ACYP2: variants seen among roughly 807,000 people sequenced by gnomAD.
ACYP2 encodes acylphosphatase-2.
In ACYP2, 12 loss-of-function variants were observed where a neutral mutation model predicts 11.2. That is an observed-to-expected ratio of 1.08 (90% CI 0.69 to 1.74). The LOEUF is 1.74. Ranked by LOEUF, ACYP2 falls within the 40% of genes most tolerant of loss-of-function variation. ACYP2 has a pLI of 0.00. For synonymous variants in ACYP2, 43 were observed against 32.2 expected, an observed-to-expected ratio of 1.33 and a Z score of -1.13; for missense variants, 134 against 101.9, an observed-to-expected ratio of 1.31 and a Z score of -1.35.
intron 2 of ACYP2, among the ~76,000 whole-genome samples, chr2:54,007,277 C>T (rs1322626760): frequency 2.7e-4 from 35 of 128,410 alleles, no homozygotes; most frequent in African/African-American, 9.1e-4. Context: ...TTTTTTGAGA[C>T]GGAGTCTCGC....
At chr2:53,977,549 A>G (rs1180742303) in intron 2 of ACYP2, among the ~76,000 whole-genome samples, 4 of 151,770 alleles carry the variant, frequency 2.6e-5, no homozygotes, top group African/African-American at 9.7e-5. Flanking sequence ...CCTGACCAAC[A>G]TGGTGAAACC....
rs1558622084 is a variant in ACYP2 at position 54,219,821 on chromosome 2, G to GTGTGTATATATATA, written c.404+81078_404+81079insATATATATATGTGT. Among the ~76,000 whole-genome samples the GTGTGTATATATATA allele has an allele frequency of 2.1e-3, 306 of 142,538 alleles. 2 individuals are homozygous for GTGTGTATATATATA. Among genetic ancestry groups the GTGTGTATATATATA allele is most frequent in the African/African-American group, 6.3e-3 (235 of 37,484 alleles). The allele number at this position is 142,538 out of a possible 152,430, so 93.5% of individuals were successfully genotyped here. On this transcript the variant is annotated intron_variant, in intron 6 of 6. Coordinates refer to ENST00000607452, the MANE Select transcript of ACYP2 (RefSeq NM_001320586.2). ...TGTGTGTGTGTGTGTTTGTGTATGT[G>GTGTGTATATATATA]TGTGTGTATATATATGTGTATGTGT...
At chr2:54,145,888 G>C (rs1310792697) in intron 6 of ACYP2, among the ~76,000 whole-genome samples, 1 of 152,178 alleles carries the variant, frequency 6.6e-6, no homozygotes. Context: ...CTGGAGGCCT[G>C]TCTTCCAGTC....
intron 2 of ACYP2, among the ~76,000 whole-genome samples, chr2:53,999,181 C>T (rs1033089625): frequency 2.6e-5 from 4 of 152,130 alleles, no homozygotes; most frequent in Admixed American, 2.6e-4. Flanking sequence ...TTTTAATAGC[C>T]CCAAAACTTG....
At chr2:54,219,899 A>AT (rs1685723874) in intron 6 of ACYP2, among the ~76,000 whole-genome samples, 1 of 112,144 alleles carries the variant, frequency 8.9e-6, no homozygotes, top group African/African-American at 3.5e-5. Context: ...ATATATATAT[A>AT]TATATATTTT....
intron 4 of ACYP2, among the ~76,000 whole-genome samples, chr2:54,092,829 G>C: frequency 6.6e-6 from 1 of 152,202 alleles, no homozygotes; most frequent in African/African-American, 2.4e-5. Flanking sequence ...TTAGGACCAT[G>C]ATGTTCATTC....
chr2:54,126,369 C>T (rs1005778683), intron 4 of ACYP2, among the ~76,000 whole-genome samples: 26 of 151,976 alleles, frequency 1.7e-4, no homozygotes, highest in African/African-American at 4.8e-4. Context: ...TCTGACATAC[C>T]TTGATGGACA....
chr2:54,026,472 A>G (rs1457312493), intron 2 of ACYP2, among the ~76,000 whole-genome samples: 1 of 152,260 alleles, frequency 6.6e-6, no homozygotes, highest in Non-Finnish European at 1.5e-5. Context: ...AATGTAAACT[A>G]GTACAACTAC....
intron 6 of ACYP2, chr2:54,256,180 A>C: frequency 6.3e-7 from 1 of 1,590,194 alleles, no homozygotes; most frequent in Non-Finnish European, 8.6e-7. Flanking sequence ...AGCAGTGGGT[A>C]GAGGCCAGGC....
intron 2 of ACYP2, among the ~76,000 whole-genome samples, chr2:53,975,608 G>A (rs917002563): frequency 2.0e-5 from 3 of 152,036 alleles, no homozygotes; most frequent in Non-Finnish European, 2.9e-5. Flanking sequence ...CAAGGCAGGC[G>A]GATCACAAGG....
At chr2:54,250,914 T>C (rs990210352) in intron 6 of ACYP2, among the ~76,000 whole-genome samples, 1 of 152,198 alleles carries the variant, frequency 6.6e-6, no homozygotes, top group Non-Finnish European at 1.5e-5. Flanking sequence ...AAATGAAATA[T>C]ACCTCAAAGA....
intron 2 of ACYP2, among the ~76,000 whole-genome samples, chr2:54,014,208 G>A (rs1673554685): frequency 6.6e-6 from 1 of 152,066 alleles, no homozygotes; most frequent in Admixed American, 6.6e-5. Context: ...AGGCAGGGCA[G>A]GTTGGGGAAT....
intron 6 of ACYP2, among the ~76,000 whole-genome samples, chr2:54,167,971 G>A (rs931109811): frequency 1.3e-5 from 2 of 152,146 alleles, no homozygotes; most frequent in African/African-American, 4.8e-5. Flanking sequence ...CTTGGGCCCA[G>A]TGCCACCCCA....
chr2:53,978,148 A>G (rs1671586041), intron 2 of ACYP2, among the ~76,000 whole-genome samples: 1 of 151,882 alleles, frequency 6.6e-6, no homozygotes, highest in Admixed American at 6.6e-5. Context: ...TGTAATCCCA[A>G]CTATTTTGGA....
At chr2:54,197,937 GTATTAT>G (rs1183544143) in intron 6 of ACYP2, among the ~76,000 whole-genome samples, 2 of 74,352 alleles carry the variant, frequency 2.7e-5, no homozygotes, top group Non-Finnish European at 5.6e-5. Context: ...ATTTATGTAT[GTATTAT>G]ATTGTATTGT....
intron 6 of ACYP2, among the ~76,000 whole-genome samples, chr2:54,171,371 C>G (rs944624245): frequency 1.3e-5 from 2 of 152,114 alleles, no homozygotes; most frequent in East Asian, 3.9e-4. Context: ...GAGCTGTTAC[C>G]CATCCACTAA....
intron 6 of ACYP2, among the ~76,000 whole-genome samples, chr2:54,250,529 G>A (rs2104006673): frequency 6.6e-6 from 1 of 152,218 alleles, no homozygotes; most frequent in Admixed American, 6.5e-5. Context: ...GCTACCAATA[G>A]CAAAGAGAAA....
At chr2:54,182,144 C>A (rs1683765906) in intron 6 of ACYP2, among the ~76,000 whole-genome samples, 1 of 144,704 alleles carries the variant, frequency 6.9e-6, no homozygotes, top group South Asian at 2.3e-4. Context: ...ACTGTAACCT[C>A]AGCCTTCGGG....
chr2:54,120,344 C>T (rs1680077918), intron 4 of ACYP2, among the ~76,000 whole-genome samples: 1 of 152,108 alleles, frequency 6.6e-6, no homozygotes, highest in African/African-American at 2.4e-5. Context: ...TATAATGTTT[C>T]TATAGATGTT....
Sources: gnomAD v4.1 joint callset for allele counts (sites outside exome capture counted in the v4.1 genomes callset) on GRCh38, gnomAD v4.1.1 for gene constraint, MANE v1.5 for transcripts, NCBI Gene and HGNC (gene_info 2026-07-23, HGNC 2026-07-21) for gene names.